BARX2: variants seen among roughly 807,000 people sequenced by gnomAD.
BARX2 encodes BARX homeobox 2.
A neutral mutation model predicts 25.5 loss-of-function variants in BARX2; 11 were observed. The ratio of observed to expected loss-of-function variants is 0.43; its 90% CI spans 0.27 to 0.71. The LOEUF (loss-of-function observed/expected upper bound fraction) is 0.71. Ranked by LOEUF, BARX2 falls within the 30% of genes least tolerant of loss-of-function variation. BARX2 has a pLI of 0.19. For synonymous variants in BARX2, 137 were observed against 149.5 expected (o/e 0.92, Z 0.61); for missense variants, 360 against 359.9 (o/e 1.00, Z 0.00).
rs142699563 is a variant in BARX2, at chr11:129,392,887, A to T, written c.187+16665A>T. ...CAGCCTCCCAAAGTGCTGAGATTAG[A>T]GGTGTGAGCCACTGCGCCCGGCTAA... is the stretch of plus-strand genomic sequence containing the variant. On this transcript the variant is annotated intron_variant, in intron 1 of 3. Coordinates refer to ENST00000281437, the MANE Select transcript of BARX2 (RefSeq NM_003658.5). 1.4e-4 allele frequency among the ~76,000 whole-genome samples: 21 copies of T among 152,238 alleles called. No homozygotes were observed. The East Asian group carries it at 3.3e-3, about 24-fold the overall frequency.
At chr11:129,380,158 T>TTGG (rs1290107939) in intron 1 of BARX2, among the ~76,000 whole-genome samples, 1 of 151,996 alleles carries the variant, frequency 6.6e-6, no homozygotes, top group Non-Finnish European at 1.5e-5. Context: ...TCAGGAAGAC[T>TTGG]TTTCCAACTT....
chr11:129,378,858 C>G, intron 1 of BARX2, among the ~76,000 whole-genome samples: 1 of 138,160 alleles, frequency 7.2e-6, no homozygotes, highest in East Asian at 2.1e-4. Context: ...AAAAAAAAAA[C>G]ACTGCATAAT....
intron 2 of BARX2, among the ~76,000 whole-genome samples, chr11:129,439,553 G>C (rs1026270907): frequency 2.6e-5 from 4 of 152,234 alleles, no homozygotes; most frequent in Admixed American, 2.0e-4. Context: ...CAAGAAGGGA[G>C]TTGAGAATTC....
chr11:129,448,997 C>T (rs566314001), intron 3 of BARX2, among the ~76,000 whole-genome samples: 2 of 152,126 alleles, frequency 1.3e-5, no homozygotes, highest in Admixed American at 6.5e-5. Context: ...TCTGTAGAGA[C>T]AGAAAGCAGA....
intron 3 of BARX2, 96 bp from the exon 4 acceptor site, chr11:129,451,040 A>G: frequency 6.9e-7 from 1 of 1,458,650 alleles, no homozygotes; most frequent in Middle Eastern, 1.8e-4. Flanking sequence ...CTGCTGGAAC[A>G]GATGGTTTAG....
At chr11:129,401,793 G>A (rs540648460) in intron 1 of BARX2, among the ~76,000 whole-genome samples, 2 of 151,926 alleles carry the variant, frequency 1.3e-5, no homozygotes, top group South Asian at 2.1e-4. Flanking sequence ...CCGTCTCTGC[G>A]AAAAATACAA....
intron 1 of BARX2, among the ~76,000 whole-genome samples, chr11:129,406,721 T>C (rs1861834229): frequency 6.6e-6 from 1 of 152,220 alleles, no homozygotes; most frequent in Admixed American, 6.5e-5. Flanking sequence ...TAACTGCCTC[T>C]TTAGTTCAGT....
intron 1 of BARX2, among the ~76,000 whole-genome samples, chr11:129,419,621 A>G (rs1861981459): frequency 6.6e-6 from 1 of 152,064 alleles, no homozygotes; most frequent in African/African-American, 2.4e-5. Flanking sequence ...GTGCCCAGTG[A>G]GTGTTCCTTC....
chr11:129,421,864 T>C (rs1360332031), intron 1 of BARX2, among the ~76,000 whole-genome samples: 1 of 152,184 alleles, frequency 6.6e-6, no homozygotes, highest in African/African-American at 2.4e-5. Flanking sequence ...TTTTGGACAG[T>C]TATAATTTGG....
At chr11:129,405,954 C>G (rs1223489270) in intron 1 of BARX2, among the ~76,000 whole-genome samples, 1 of 152,134 alleles carries the variant, frequency 6.6e-6, no homozygotes, top group African/African-American at 2.4e-5. Context: ...ATTCTTTAGT[C>G]CACATTTAAG....
At chr11:129,385,691 A>G (rs1861610751) in intron 1 of BARX2, among the ~76,000 whole-genome samples, 1 of 152,232 alleles carries the variant, frequency 6.6e-6, no homozygotes, top group Non-Finnish European at 1.5e-5. Context: ...TATTAAGACA[A>G]AAAGGCCTAA....
chr11:129,420,023 C>T (rs138781759), intron 1 of BARX2, among the ~76,000 whole-genome samples: 2,112 of 152,042 alleles, frequency 0.014, 40 homozygotes, highest in African/African-American at 0.047. Context: ...TCAGGTGATC[C>T]GCCTGCATCG....
chr11:129,377,248 C>T (rs1056994064), intron 1 of BARX2, among the ~76,000 whole-genome samples: 4 of 152,136 alleles, frequency 2.6e-5, no homozygotes, highest in Non-Finnish European at 5.9e-5. Flanking sequence ...GAAGGGCCAA[C>T]AGTTTTGGAA....
intron 1 of BARX2, among the ~76,000 whole-genome samples, chr11:129,398,374 AGCAT>A (rs902027396): frequency 2.0e-5 from 3 of 152,230 alleles, no homozygotes; most frequent in Admixed American, 6.5e-5. Flanking sequence ...CCCCTGGAGT[AGCAT>A]GGATGAGTTG....
chr11:129,381,976 G>A (rs962750160), intron 1 of BARX2, among the ~76,000 whole-genome samples: 8 of 152,178 alleles, frequency 5.3e-5, no homozygotes, highest in South Asian at 4.1e-4. Flanking sequence ...CTACTTAGAC[G>A]CGTGCTGGGG....
At chr11:129,393,627 A>G (rs982492697) in intron 1 of BARX2, among the ~76,000 whole-genome samples, 3 of 152,068 alleles carry the variant, frequency 2.0e-5, no homozygotes, top group African/African-American at 7.2e-5. Flanking sequence ...ACACAGTTCA[A>G]TATTTTATCC....
rs568428264 is a variant in BARX2 at position 129,414,975 on chromosome 11, A to G, written c.188-21776A>G. On this transcript the variant is annotated intron_variant, in intron 1 of 3. Transcript: ENST00000281437. ...CTCTAGGCATTAAGCATCTCATTTT[A>G]AAAGTTGTGGTAAGTAGTGCAATAT... Among the ~76,000 whole-genome samples, 11 of 152,342 alleles carry G rather than the reference A, an allele frequency of 7.2e-5. No individual in the cohort carries two copies. The South Asian group carries it at 2.3e-3, about 32-fold the overall frequency.
At chr11:129,407,637 T>C (rs537822404) in intron 1 of BARX2, among the ~76,000 whole-genome samples, 1 of 152,310 alleles carries the variant, frequency 6.6e-6, no homozygotes, top group Non-Finnish European at 1.5e-5. Context: ...TTCAGTAAAC[T>C]TTGAGTACCT....
chr11:129,380,729 T>A (rs758502447), intron 1 of BARX2, among the ~76,000 whole-genome samples: 10 of 152,116 alleles, frequency 6.6e-5, no homozygotes, highest in Non-Finnish European at 1.2e-4. Flanking sequence ...TCAGTATATA[T>A]TTGGAACTGA....
Sources: gnomAD v4.1 joint callset for allele counts (sites outside exome capture counted in the v4.1 genomes callset) on GRCh38, gnomAD v4.1.1 for gene constraint, MANE v1.5 for transcripts, NCBI Gene and HGNC (gene_info 2026-07-23, HGNC 2026-07-21) for gene names.